Variants in FNDC3B observed in about 807,000 individuals in gnomAD.
The protein encoded by FNDC3B is fibronectin type III domain-containing protein 3B.
Under a neutral mutation model 151.5 loss-of-function variants are expected in FNDC3B, and 12 were observed. That is an observed-to-expected ratio of 0.08 (90% confidence interval 0.05 to 0.13). FNDC3B has a LOEUF of 0.13. Ranked by LOEUF, FNDC3B falls within the 10% of genes least tolerant of loss-of-function variation. The pLI is 1.00. For missense variants in FNDC3B, 1,214 were observed against 1,505.3 expected (o/e 0.81, Z 3.20); for synonymous variants, 528 against 549.0 (o/e 0.96, Z 0.54).
In FNDC3B at chr3:172,094,951, G is replaced by C. The variant is rs563435891; in HGVS notation, c.-28-17501G>C. The stretch of plus-strand genomic sequence containing the variant: ...TCCTGTACTTTTTCAGAATCTAGTA[G>C]TGACTTGACTAGTTCCTGAACTAGG... On this transcript the variant is annotated intron_variant, in intron 1 of 25. Coordinates refer to ENST00000415807, the MANE Select transcript of FNDC3B (RefSeq NM_022763.4). Among the ~76,000 whole-genome samples the C allele has an allele frequency of 3.3e-5, 5 of 152,080 alleles. No individual in the cohort carries two copies. In the East Asian group the frequency reaches 9.7e-4, roughly 29 times the overall value.
intron 6 of FNDC3B, 132 bp downstream of exon 6, chr3:172,251,673 C>T: frequency 1.4e-6 from 1 of 738,378 alleles, no homozygotes; most frequent in Non-Finnish European, 2.1e-6. Context: ...TTGAGTAGAC[C>T]TTCTTTGATC....
At chr3:172,111,409 G>T (rs1719959096) in intron 1 of FNDC3B, among the ~76,000 whole-genome samples, 1 of 152,160 alleles carries the variant, frequency 6.6e-6, no homozygotes, top group Non-Finnish European at 1.5e-5. Flanking sequence ...CAGCATGATG[G>T]TACTATTAAC....
chr3:172,055,157 A>C (rs1156734371), intron 1 of FNDC3B, among the ~76,000 whole-genome samples: 1 of 152,234 alleles, frequency 6.6e-6, no homozygotes, highest in Non-Finnish European at 1.5e-5. Context: ...ATCTTTAAAA[A>C]ATCCTCCTTC....
chr3:172,137,894 A>G (rs1474709362), intron 3 of FNDC3B, among the ~76,000 whole-genome samples: 2 of 152,202 alleles, frequency 1.3e-5, no homozygotes, highest in Non-Finnish European at 2.9e-5. Context: ...ATCAAAGTGT[A>G]TAAAGAGCTA....
chr3:172,112,720 GT>G, intron 2 of FNDC3B, 130 bp downstream of exon 2: 2 of 693,022 alleles, frequency 2.9e-6, no homozygotes, highest in South Asian at 3.2e-5. Flanking sequence ...AAGTGTTTTT[GT>G]TGTAGAAATA....
chr3:172,292,515 A>T (rs1182845182), intron 7 of FNDC3B, among the ~76,000 whole-genome samples: 7 of 152,252 alleles, frequency 4.6e-5, no homozygotes, highest in African/African-American at 1.4e-4. Context: ...CTGACATAAA[A>T]GGTAGAGTTT....
At position 172,381,201 on chromosome 3, in the gene FNDC3B, A is replaced by G. The variant is rs1289037199; in HGVS notation, c.3303+108A>G. On this transcript the variant is annotated intron_variant, in intron 25 of 25. Coordinates refer to ENST00000415807, the MANE Select transcript of FNDC3B (RefSeq NM_022763.4). ...AACTATGTTTTTCTTAAAATCAGTG[A>G]TAGAAACTGCCTAACTTGTACTTAT... is the stretch of plus-strand genomic sequence containing the variant. 3 of 1,260,748 alleles carry G rather than the reference A, an allele frequency of 2.4e-6. No homozygotes were observed. In the African/African-American group the frequency reaches 4.4e-5, roughly 19 times the overall value. 78.1% of individuals were successfully genotyped at this position (1,260,748 alleles called of 1,614,324 possible). A position where few individuals can be genotyped will look rare whatever the true frequency, so the allele number is the denominator to read the frequency against.
In FNDC3B at chr3:172,077,156, A is replaced by AAAAAT. The variant is rs539042135; in HGVS notation, c.-28-35291_-28-35287dup. 7.7e-3 allele frequency among the ~76,000 whole-genome samples: 1,179 copies of AAAAAT among 152,276 alleles called. 38 individuals are homozygous for AAAAAT. In the East Asian group the frequency reaches 0.097, roughly 13 times the overall value. ...AACAGATGGGAATAAATTGGTTAAA[A>AAAAAT]AAAATAAAAAAAAGTGTTTATAATA... On this transcript the variant is annotated intron_variant, in intron 1 of 25. Transcript: ENST00000415807.
intron 6 of FNDC3B, 122 bp downstream of exon 6, chr3:172,251,663 T>G (rs1728087977): frequency 2.3e-6 from 2 of 860,116 alleles, no homozygotes; most frequent in Non-Finnish European, 3.4e-6. Context: ...CTAAGAATAT[T>G]TGAGTAGACC....
chr3:172,154,108 A>G (rs1027536124), intron 3 of FNDC3B, among the ~76,000 whole-genome samples: 8 of 152,222 alleles, frequency 5.3e-5, no homozygotes, highest in African/African-American at 1.7e-4. Flanking sequence ...ATTTGAAGGC[A>G]TCCAGGACAG....
intron 23 of FNDC3B, among the ~76,000 whole-genome samples, chr3:172,374,429 C>T (rs1424440682): frequency 7.2e-5 from 11 of 152,194 alleles, no homozygotes; most frequent in Admixed American, 7.2e-4. Context: ...GACAGAGTCT[C>T]GCTCTTGCCC....
chr3:172,225,548 T>A (rs899206199), intron 3 of FNDC3B: 3 of 174,106 alleles, frequency 1.7e-5, no homozygotes, highest in Admixed American at 1.2e-4. Flanking sequence ...ACACTGCTAA[T>A]GAAGGCCACT....
At position 172,352,209 on chromosome 3, in the gene FNDC3B, T is replaced by C. The variant is rs905692871; in HGVS notation, c.2515-594T>C. Among the ~76,000 whole-genome samples, 1 of 152,220 alleles carries C rather than the reference T, an allele frequency of 6.6e-6. No individual in the cohort carries two copies. The highest frequency in any genetic ancestry group is 2.1e-4 in the South Asian group (1 of 4,826). On this transcript the variant is annotated intron_variant, in intron 21 of 25. Transcript: ENST00000415807. The surrounding 1 kb of genome is among the most constrained non-coding windows in gnomAD (Gnocchi z 4.2). ...GGCATCTTGGAGACCTAGTGATGAA[T>C]AAGCATTTGAAAGACCTGGGAGTGA...
chr3:172,121,337 G>A (rs1032764318), intron 2 of FNDC3B, among the ~76,000 whole-genome samples: 5 of 152,146 alleles, frequency 3.3e-5, no homozygotes, highest in African/African-American at 9.7e-5. Flanking sequence ...TAGGCTGGGC[G>A]CTGGTTCATG....
intron 13 of FNDC3B, among the ~76,000 whole-genome samples, 196 bp downstream of exon 13, chr3:172,330,911 G>A: frequency 6.6e-6 from 1 of 152,112 alleles, no homozygotes; most frequent in Non-Finnish European, 1.5e-5. Flanking sequence ...TTCAGCTGGG[G>A]AAGCAAAAAC....
chr3:172,283,264 GC>G (rs1729833499), intron 6 of FNDC3B, among the ~76,000 whole-genome samples: 1 of 151,910 alleles, frequency 6.6e-6, no homozygotes, highest in Non-Finnish European at 1.5e-5. Context: ...TTTTAATCTA[GC>G]CTCTTTCTCT....
Position 172,040,384 on chromosome 3 carries a change from G to T in FNDC3B, c.-29+613G>T, listed in dbSNP as rs1259742104. ...CTCGCGGGGAGGGTCCCGAGCCCGC[G>T]CCGGCCTGGCCCCCCCGTCCCCGGC... On this transcript the variant is annotated intron_variant, in intron 1 of 25. Transcript: ENST00000415807. This position sits in a 1 kb window ranked among gnomAD's most constrained non-coding sequence, Gnocchi z 6.6. Among the ~76,000 whole-genome samples the T allele has an allele frequency of 2.6e-5, 4 of 151,892 alleles. No homozygotes were observed. Among genetic ancestry groups the T allele is most frequent in the Admixed American group, 2.6e-4 (4 of 15,258 alleles).
intron 1 of FNDC3B, among the ~76,000 whole-genome samples, chr3:172,093,880 T>C (rs1718970045): frequency 6.6e-6 from 1 of 152,258 alleles, no homozygotes; most frequent in South Asian, 2.1e-4. Flanking sequence ...AAGTGAGAAC[T>C]GAGGACTCTG....
At chr3:172,191,351 T>C (rs1218422186) in intron 3 of FNDC3B, among the ~76,000 whole-genome samples, 1 of 152,192 alleles carries the variant, frequency 6.6e-6, no homozygotes, top group Non-Finnish European at 1.5e-5. Flanking sequence ...ATTTTACTCT[T>C]TAAAGTACCA....
Sources: allele counts gnomAD v4.1 joint callset (sites outside exome capture counted in the v4.1 genomes callset), GRCh38; gene constraint gnomAD v4.1.1; non-coding constraint Gnocchi (gnomAD v3.1); transcripts MANE v1.5; gene names NCBI Gene and HGNC (gene_info 2026-07-23, HGNC 2026-07-21).